NELL2: variants seen among roughly 807,000 people sequenced by gnomAD.
NELL2 encodes neural EGFL like 2, also known as protein kinase C-binding protein NELL2.
Under a neutral mutation model 109.6 loss-of-function variants are expected in NELL2, and 41 were observed. The ratio of observed to expected loss-of-function variants is 0.37; its 90% confidence interval spans 0.29 to 0.49. NELL2 has a LOEUF of 0.49. Ranked by LOEUF, NELL2 falls within the 20% of genes least tolerant of loss-of-function variation. The pLI is 0.98. For synonymous variants in NELL2, 355 were observed against 344.7 expected, an observed-to-expected ratio of 1.03 and a Z score of -0.33; for missense variants, 900 against 1,008.3, an observed-to-expected ratio of 0.89 and a Z score of 1.45.
intron 9 of NELL2, among the ~76,000 whole-genome samples, chr12:44,766,365 C>A (rs1373496996): frequency 1.3e-5 from 2 of 152,170 alleles, no homozygotes; most frequent in African/African-American, 4.8e-5. Flanking sequence ...GCTTTATTCT[C>A]CAGTGGGCAC....
At chr12:44,654,220 A>T (rs747714479) in intron 13 of NELL2, among the ~76,000 whole-genome samples, 1 of 152,180 alleles carries the variant, frequency 6.6e-6, no homozygotes, top group Non-Finnish European at 1.5e-5. Flanking sequence ...CCATGTACCT[A>T]TATGAAAGCT....
intron 19 of NELL2, among the ~76,000 whole-genome samples, chr12:44,512,916 T>C (rs1203102582): frequency 6.6e-6 from 1 of 151,970 alleles, no homozygotes; most frequent in Non-Finnish European, 1.5e-5. Flanking sequence ...AGGATAAATA[T>C]AATTAATAAT....
chr12:44,524,229 C>A (rs555076247), intron 16 of NELL2, among the ~76,000 whole-genome samples: 54 of 152,348 alleles, frequency 3.5e-4, no homozygotes, highest in African/African-American at 1.2e-3. Flanking sequence ...ATGGCCATCA[C>A]AGCCTAAAGC....
intron 3 of NELL2, among the ~76,000 whole-genome samples, chr12:44,788,155 G>A (rs1942250389): frequency 1.3e-5 from 2 of 152,118 alleles, no homozygotes; most frequent in African/African-American, 4.8e-5. Flanking sequence ...GGCGATGGGA[G>A]GCAGGACTAG....
chr12:44,667,453 G>A (rs78006621), intron 12 of NELL2, among the ~76,000 whole-genome samples: 1 of 152,274 alleles, frequency 6.6e-6, no homozygotes, highest in East Asian at 1.9e-4. Flanking sequence ...AATGAACTTG[G>A]CAGTGTTGGA....
Position 44,779,832 on chromosome 12 carries a change from G to A in NELL2, c.509+17C>T, listed in dbSNP as rs764767338. On this transcript the variant is annotated intron_variant, in intron 4 of 19. Transcript: ENST00000429094. ...CTTAGAATCTTCCATTTCCTAAAAT[G>A]AGGACACTACACTTACTTATTGCAG... 9 of 1,613,552 alleles carry A rather than the reference G, an allele frequency of 5.6e-6. No individual in the cohort carries two copies. In the South Asian group the frequency reaches 8.8e-5, roughly 16 times the overall value.
intron 1 of NELL2, 34 bp from the exon 2 acceptor site, chr12:44,875,387 G>T (rs1411236518): frequency 1.2e-6 from 2 of 1,613,794 alleles, no homozygotes; most frequent in Non-Finnish European, 1.7e-6. Context: ...GAGAGAAAAA[G>T]GAAAAGCTCC....
intron 9 of NELL2, among the ~76,000 whole-genome samples, chr12:44,725,548 G>A (rs1401472779): frequency 1.3e-5 from 2 of 152,104 alleles, no homozygotes; most frequent in Non-Finnish European, 2.9e-5. Context: ...AAAGACACAT[G>A]CACGTGATTG....
intron 15 of NELL2, among the ~76,000 whole-genome samples, chr12:44,548,790 G>C (rs1457171775): frequency 6.6e-6 from 1 of 151,942 alleles, no homozygotes; most frequent in Non-Finnish European, 1.5e-5. Flanking sequence ...CCTTTTAATT[G>C]GCACTATTTT....
chr12:44,532,081 C>T (rs1464712289), intron 16 of NELL2, among the ~76,000 whole-genome samples: 8 of 152,176 alleles, frequency 5.3e-5, no homozygotes, highest in Admixed American at 5.2e-4. Flanking sequence ...GGGACCATAT[C>T]TTATGTATCC....
chr12:44,553,753 T>C (rs1233015976), intron 15 of NELL2, among the ~76,000 whole-genome samples: 1 of 152,182 alleles, frequency 6.6e-6, no homozygotes, highest in Non-Finnish European at 1.5e-5. Flanking sequence ...TAGGGTGTTT[T>C]TGAAAGTAAA....
At chr12:44,686,238 G>C (rs1314042156) in intron 12 of NELL2, among the ~76,000 whole-genome samples, 1 of 152,108 alleles carries the variant, frequency 6.6e-6, no homozygotes, top group East Asian at 1.9e-4. Flanking sequence ...TCTTCACGTA[G>C]TTCTCGAGCC....
At chr12:44,782,855 A>G (rs1041872270) in intron 3 of NELL2, among the ~76,000 whole-genome samples, 2 of 152,136 alleles carry the variant, frequency 1.3e-5, no homozygotes, top group Admixed American at 1.3e-4. Context: ...CAAAATGTCA[A>G]GAATATATAA....
intron 12 of NELL2, among the ~76,000 whole-genome samples, chr12:44,682,499 T>A (rs940612017): frequency 1.4e-4 from 22 of 152,204 alleles, no homozygotes; most frequent in African/African-American, 5.3e-4. Context: ...TGCCCATGCC[T>A]ATGTCCTGAA....
At chr12:44,836,799 G>A (rs968215092) in intron 2 of NELL2, among the ~76,000 whole-genome samples, 2 of 152,210 alleles carry the variant, frequency 1.3e-5, no homozygotes, top group Admixed American at 6.5e-5. Context: ...GGGAAATATG[G>A]GATTAATTAT....
At chr12:44,638,326 C>T (rs1266713336) in intron 13 of NELL2, among the ~76,000 whole-genome samples, 1 of 152,120 alleles carries the variant, frequency 6.6e-6, no homozygotes, top group African/African-American at 2.4e-5. Flanking sequence ...ACAAATGTCT[C>T]ATATCATAGA....
intron 12 of NELL2, among the ~76,000 whole-genome samples, chr12:44,678,540 A>T (rs1241097893): frequency 6.6e-6 from 1 of 152,030 alleles, no homozygotes; most frequent in East Asian, 1.9e-4. Flanking sequence ...GATTTGTACC[A>T]AGATGTAATA....
intron 3 of NELL2, among the ~76,000 whole-genome samples, chr12:44,799,061 T>C (rs939813670): frequency 6.8e-6 from 1 of 146,240 alleles, no homozygotes; most frequent in Admixed American, 7.1e-5. Context: ...CGGGTTCAAG[T>C]GATTCTCTTG....
intron 2 of NELL2, among the ~76,000 whole-genome samples, chr12:44,867,048 TA>T (rs2136823260): frequency 6.6e-6 from 1 of 152,264 alleles, no homozygotes; most frequent in East Asian, 1.9e-4. Context: ...GCTTCACTGC[TA>T]AACTCTATTT....
Sources: allele counts gnomAD v4.1 joint callset (sites outside exome capture counted in the v4.1 genomes callset), GRCh38; gene constraint gnomAD v4.1.1; transcripts MANE v1.5; gene names NCBI Gene and HGNC (gene_info 2026-07-23, HGNC 2026-07-21).